ZNF182: variants seen among roughly 807,000 people sequenced by gnomAD.
The protein encoded by ZNF182 is zinc finger protein 21 (KOX 14).
A neutral mutation model predicts 28.1 loss-of-function variants in ZNF182; 10 were observed. The ratio of observed to expected loss-of-function variants is 0.36; its 90% CI spans 0.22 to 0.60. ZNF182 has a LOEUF of 0.60. Among genes scored for constraint, ZNF182 ranks in the 20% least tolerant of loss-of-function variants. ZNF182 has a pLI of 0.75. For missense variants in ZNF182, 352 were observed against 453.2 expected, an observed-to-expected ratio of 0.78 and a Z score of 2.03; for synonymous variants, 156 against 158.7, an observed-to-expected ratio of 0.98 and a Z score of 0.13.
chrX:47,987,541 T>C (rs782726797), intron 3 of ZNF182, among the ~76,000 whole-genome samples: 6 of 112,423 alleles, frequency 5.3e-5, no homozygotes, highest in Non-Finnish European at 1.1e-4. Flanking sequence ...ACTGAACAAA[T>C]GAATGAATTA....
intron 3 of ZNF182, among the ~76,000 whole-genome samples, chrX:47,993,596 A>C (rs920419663): frequency 8.9e-6 from 1 of 112,205 alleles, no homozygotes; most frequent in African/African-American, 3.2e-5. Context: ...AACAATTTAC[A>C]AAGATTTAAA....
At chrX:47,982,864 C>T (rs1367151499) in intron 5 of ZNF182, 85 bp downstream of exon 5, 10 of 914,488 alleles carry the variant, frequency 1.1e-5, no homozygotes, top group Non-Finnish European at 1.6e-5. Flanking sequence ...CTAAGATATT[C>T]CTGAAAGCCC....
chrX:47,977,583 T>C lies in ZNF182; in HGVS notation c.447A>G (p.Val149=). ...TTCTACTAAATAAGTCTAAATTATCTACCATATTATTTCCAAATGATTCGT... is the reference window on the plus strand; with the variant it reads ...TTCTACTAAATAAGTCTAAATTATCCACCATATTATTTCCAAATGATTCGT... ...DKHESFGNNM[V]DNLDLFSRSS... The change falls in exon 6 of 6, where the codon GTA becomes GTG. Residue 149 remains valine (V), a synonymous_variant. Coordinates refer to ENST00000376943, the MANE Select transcript of ZNF182 (RefSeq NM_001007088.2). 8.3e-7 allele frequency: 1 copy of C among 1,205,499 alleles called. No homozygotes were observed. Among genetic ancestry groups the C allele is most frequent in the Non-Finnish European group, 1.1e-6 (1 of 892,347 alleles).
In ZNF182 at chrX:47,982,032, C is replaced by A. The variant is rs782797047; in HGVS notation, c.232+917G>T. 2.7e-5 allele frequency among the ~76,000 whole-genome samples: 3 copies of A among 111,999 alleles called. No individual in the cohort carries two copies. The South Asian group carries it at 1.1e-3, about 41-fold the overall frequency. On this transcript the variant is annotated intron_variant, in intron 5 of 5. Coordinates refer to ENST00000376943, the MANE Select transcript of ZNF182 (RefSeq NM_001007088.2). ...AATGTGTACATCAATGTTCACAGCA[C>A]CATTATCCATAATAACCAAAAGGTT...
chrX:47,982,512 T>G (rs1162601518), intron 5 of ZNF182, among the ~76,000 whole-genome samples: 4 of 112,166 alleles, frequency 3.6e-5, no homozygotes, highest in Non-Finnish European at 7.5e-5. Context: ...AGATAAGATG[T>G]TTTAGGAGAG....
At chrX:47,988,759 G>A (rs1014567232) in intron 3 of ZNF182, 33 of 286,823 alleles carry the variant, frequency 1.2e-4, no homozygotes, top group Middle Eastern at 9.1e-4. Context: ...ACTGAGCATC[G>A]AAATAAATAA....
intron 3 of ZNF182, among the ~76,000 whole-genome samples, chrX:47,993,026 T>C (rs2058947132): frequency 8.9e-6 from 1 of 112,531 alleles, no homozygotes; most frequent in Non-Finnish European, 1.9e-5. Flanking sequence ...CAGGATGGGG[T>C]TAGAATTTAA....
chrX:48,000,530 C>G (rs2058975492), intron 3 of ZNF182, among the ~76,000 whole-genome samples: 1 of 110,459 alleles, frequency 9.1e-6, no homozygotes, highest in East Asian at 2.8e-4. Context: ...CCACTGCACT[C>G]TAGCCTGGGG....
Position 47,976,620 on chromosome X carries a change from A to G in ZNF182, c.1410T>C (p.Asn470=). Residue 470 remains asparagine (N), a synonymous_variant, in exon 6 of 6, where the codon AAT becomes AAC. Transcript: ENST00000376943. ...GHTGEKPYEC[N]ECEKAFSQKS... is the part of the protein sequence containing the mutation. ...TCTGTGAAAATGCTTTTTCACATTC[A>G]TTGCACTCGTAAGGTTTCTCTCCTG... The G allele has an allele frequency of 8.3e-7, 1 of 1,209,867 alleles. No homozygotes were observed. Among genetic ancestry groups the G allele is most frequent in the Non-Finnish European group, 1.1e-6 (1 of 894,646 alleles).
rs1362141214 is a variant in ZNF182, at chrX:48,000,262, C to T, written c.15+2333G>A. 2.7e-5 allele frequency among the ~76,000 whole-genome samples: 3 copies of T among 111,421 alleles called. No individual in the cohort carries two copies. In the South Asian group the frequency reaches 1.1e-3, roughly 42 times the overall value. On this transcript the variant is annotated intron_variant, in intron 3 of 5. Coordinates refer to ENST00000376943, the MANE Select transcript of ZNF182 (RefSeq NM_001007088.2). ...CCTGACCTAATCCTCATACCTTATA[C>T]AAAAATTAATGCAAAAGAGCCGGGC...
chrX:48,001,605 G>A (rs2058978678), intron 3 of ZNF182, among the ~76,000 whole-genome samples: 1 of 111,714 alleles, frequency 9.0e-6, no homozygotes, highest in South Asian at 3.7e-4. Context: ...CGATGATGGG[G>A]CTTGATCATA....
chrX:47,998,181 T>C (rs1041000724), intron 3 of ZNF182, among the ~76,000 whole-genome samples: 1 of 108,948 alleles, frequency 9.2e-6, no homozygotes, highest in South Asian at 4.1e-4. Flanking sequence ...GCCTCCTGTG[T>C]TCAAGCAATT....
At chrX:47,982,253 T>C (rs2058908412) in intron 5 of ZNF182, among the ~76,000 whole-genome samples, 1 of 111,768 alleles carries the variant, frequency 8.9e-6, no homozygotes, top group Non-Finnish European at 1.9e-5. Context: ...TTAAATAAAA[T>C]GTCCAGAACA....
At position 47,976,893 on chromosome X, in the gene ZNF182, T is replaced by G. The variant is rs1556898256; in HGVS notation, c.1137A>C (p.Gly379=). ...TLIIHQRTHT[G]EKPHKCTECG... is the part of the protein sequence containing the mutation. ...ATTCAGTACATTTATGAGGTTTCTC[T>G]CCCGTATGAGTTCTCTGGTGTATAA... The change falls in exon 6 of 6, where the codon GGA becomes GGC. Residue 379 remains glycine (G), a synonymous_variant. Transcript: ENST00000376943. The G allele has an allele frequency of 8.3e-7, 1 of 1,209,791 alleles. No homozygotes were observed. The highest frequency in any genetic ancestry group is 1.1e-6 in the Non-Finnish European group (1 of 894,813).
intron 3 of ZNF182, among the ~76,000 whole-genome samples, chrX:47,995,310 C>T (rs935116427): frequency 9.0e-6 from 1 of 110,752 alleles, no homozygotes; most frequent in Non-Finnish European, 1.9e-5. Context: ...CCAGCCTGGG[C>T]GACAGAGCGA....
chrX:48,001,746 C>T (rs142020378), intron 3 of ZNF182, among the ~76,000 whole-genome samples: 7,267 of 111,115 alleles, frequency 0.065, 327 homozygotes, highest in African/African-American at 0.16. Flanking sequence ...TCAATCATCT[C>T]AGAAAGAAAA....
At chrX:47,998,578 CG>C (rs2146474123) in intron 3 of ZNF182, among the ~76,000 whole-genome samples, 1 of 112,355 alleles carries the variant, frequency 8.9e-6, no homozygotes, top group African/African-American at 3.2e-5. Context: ...TAGAGGAGGC[CG>C]GGTGTGGTGG....
intron 3 of ZNF182, among the ~76,000 whole-genome samples, chrX:47,991,967 GCTT>G (rs1463117417): frequency 5.4e-5 from 6 of 111,779 alleles, no homozygotes; most frequent in Non-Finnish European, 9.4e-5. Context: ...CACCGGAAGT[GCTT>G]CTTCTTCTCC....
At chrX:48,002,410 A>T in intron 3 of ZNF182, 185 bp downstream of exon 3, 2 of 588,878 alleles carry the variant, frequency 3.4e-6, no homozygotes, top group South Asian at 2.6e-5. Flanking sequence ...GCCCAACATC[A>T]ATATCTGTTA....
Sources: gnomAD v4.1 joint callset for allele counts (sites outside exome capture counted in the v4.1 genomes callset) on GRCh38, gnomAD v4.1.1 for gene constraint, MANE v1.5 for transcripts, NCBI Gene and HGNC (gene_info 2026-07-23, HGNC 2026-07-21) for gene names.